The following C15orf40 variants were observed in gnomAD, a reference collection of about 807,000 sequenced individuals.
C15orf40 encodes the protein chromosome 15 open reading frame 40.
In C15orf40, 9 loss-of-function variants were observed where a neutral mutation model predicts 13.9. The ratio of observed to expected loss-of-function variants is 0.65; its 90% CI spans 0.39 to 1.13. C15orf40 has a LOEUF of 1.13. C15orf40 is among the 50% of genes most tolerant of loss of function. The probability of loss-of-function intolerance (pLI) is 0.01; values close to 1 mark genes in which losing one functional copy is unlikely to be tolerated. For synonymous variants in C15orf40, 95 were observed against 69.2 expected, an observed-to-expected ratio of 1.37 and a Z score of -1.85; for missense variants, 225 against 188.5, an observed-to-expected ratio of 1.19 and a Z score of -1.13.
In C15orf40 at chr15:83,005,140, T is replaced by C. The variant is rs2031606009; in HGVS notation, c.*457A>G. 6 of 1,070,220 alleles carry C rather than the reference T, an allele frequency of 5.6e-6. No individual in the cohort carries two copies. In the South Asian group the frequency reaches 1.4e-4, roughly 26 times the overall value. 66.3% of individuals were successfully genotyped at this position (1,070,220 alleles called of 1,614,324 possible). On this transcript the variant is annotated 3_prime_UTR_variant, in exon 4 of 4. Coordinates refer to ENST00000304177, the MANE Select transcript of C15orf40 (RefSeq NM_144597.3). ...AGAACCTGATGCAATGTATAGCACT[T>C]TTTAAATTTCTACTTTTTGGAGTCT... is the stretch of plus-strand genomic sequence containing the variant.
chr15:83,007,201 A>G (rs1463424685), intron 3 of C15orf40, among the ~76,000 whole-genome samples: 2 of 152,184 alleles, frequency 1.3e-5, no homozygotes, highest in Non-Finnish European at 2.9e-5. Flanking sequence ...CATCATATGA[A>G]CCTTCTATCT....
At chr15:83,008,272 G>A (rs1006200816) in intron 3 of C15orf40, 45 of 361,388 alleles carry the variant, frequency 1.2e-4, no homozygotes, top group African/African-American at 6.7e-4. Context: ...TAATCCCAGC[G>A]CTTCGGGAGG....
In C15orf40 at chr15:82,997,309, G is replaced by A. The variant is rs1384471893; in HGVS notation, c.*8288C>T. On this transcript the variant is annotated 3_prime_UTR_variant, in exon 4 of 4. Transcript: ENST00000304177. The stretch of plus-strand genomic sequence containing the variant: ...AGGGAAGGTCAGCAGATAAACAAGT[G>A]AACAAAGGTCTCTGGTTTTCCTAGG... 1.4e-5 allele frequency: 2 copies of A among 147,084 alleles called. No individual in the cohort carries two copies. The highest frequency in any genetic ancestry group is 3.0e-5 in the Non-Finnish European group (2 of 67,040). The allele number at this position is 147,084 out of a possible 1,614,324, so 9.1% of individuals were successfully genotyped here.
chr15:83,004,694 C>A lies in C15orf40; in HGVS notation c.*903G>T. On this transcript the variant is annotated 3_prime_UTR_variant, in exon 4 of 4. Coordinates refer to ENST00000304177, the MANE Select transcript of C15orf40 (RefSeq NM_144597.3). ...AAGTCATGATTTTTCTTTACTTTTT[C>A]AACAAAATGGTAAATATAGTCTTTA... 1.1e-6 allele frequency: 1 copy of A among 923,828 alleles called. No homozygotes were observed. Among genetic ancestry groups the A allele is most frequent in the South Asian group, 4.8e-5 (1 of 20,854 alleles). 57.2% of individuals were successfully genotyped at this position (923,828 alleles called of 1,614,324 possible).
chr15:82,989,136 G>A, downstream of C15orf40: 1 of 1,613,860 alleles, frequency 6.2e-7, no homozygotes, highest in South Asian at 1.1e-5. Flanking sequence ...TCCTCCAATT[G>A]TTGAGGAATG....
Position 83,010,353 on chromosome 15 carries a change from T to G in C15orf40, c.122A>C (p.Gln41Pro). 1 of 1,614,232 alleles carries G rather than the reference T, an allele frequency of 6.2e-7. No homozygotes were observed. Among genetic ancestry groups the G allele is most frequent in the Non-Finnish European group, 8.5e-7 (1 of 1,180,032 alleles). The change falls in exon 2 of 4, where the codon CAG becomes CCG. Residue 41 changes from glutamine to proline, a missense_variant. Gln to Pro is a moderately conservative substitution (Grantham distance 76, BLOSUM62 -1). Transcript: ENST00000304177. Reference sequence around the variant, plus strand: ...AAGTGGTCTCTCTGGTTCCTTGCTCTGGCTTTTACCCTAAAATGACAACCA... The same window carrying G: ...AAGTGGTCTCTCTGGTTCCTTGCTCGGGCTTTTACCCTAAAATGACAACCA... Reference protein sequence around the residue: ...KAGATTKGKSQSKEPERPLPP... With the variant: ...KAGATTKGKSPSKEPERPLPP...
Position 83,010,149 on chromosome 15 carries a change from A to G in C15orf40, c.238+88T>C, listed in dbSNP as rs974958876. On this transcript the variant is annotated intron_variant, in intron 2 of 3. Transcript: ENST00000304177. ...GCAGATGTGAAAAATCAACTGTCAT[A>G]GAATAAGCTTTCAGCTAACCAAAGC... 7.8e-6 allele frequency: 12 copies of G among 1,530,034 alleles called. No homozygotes were observed. In the African/African-American group the frequency reaches 1.5e-4, roughly 19 times the overall value. 94.8% of individuals were successfully genotyped at this position (1,530,034 alleles called of 1,614,324 possible).
At position 83,011,602 on chromosome 15, in the gene C15orf40, C is replaced by T. The variant is rs567289705; in HGVS notation, c.6G>A (p.Leu2=). ...GGTGCCTCAGCCCGCTGCGGAGCCG[C>T]AGCATCCCCGCCTGGGAAGGCGCCG... is the stretch of plus-strand genomic sequence containing the variant. M[L]RLRSGLRHLR... The change falls in exon 1 of 4, where the codon CTG becomes CTA. Residue 2 remains leucine, a synonymous_variant. Transcript: ENST00000304177. The T allele has an allele frequency of 8.2e-6, 13 of 1,582,800 alleles. No homozygotes were observed. In the African/African-American group the frequency reaches 1.4e-4, roughly 17 times the overall value.
chr15:82,991,933 T>C (rs1434242021), downstream of C15orf40: 8 of 1,288,502 alleles, frequency 6.2e-6, no homozygotes, highest in Non-Finnish European at 7.1e-6. Flanking sequence ...AAATATCACC[T>C]GGTTGGGTAT....
At position 83,005,572 on chromosome 15, in the gene C15orf40, C is replaced by T; in HGVS notation, c.*25G>A. ...GTGCTGGGATTACAGGCATGAGCCACTGCGCCCGGCCTCATTTCTTGCTTT... is the reference window on the plus strand; with the variant it reads ...GTGCTGGGATTACAGGCATGAGCCATTGCGCCCGGCCTCATTTCTTGCTTT... On this transcript the variant is annotated 3_prime_UTR_variant, in exon 4 of 4. Coordinates refer to ENST00000304177, the MANE Select transcript of C15orf40 (RefSeq NM_144597.3). 6.3e-7 allele frequency: 1 copy of T among 1,586,884 alleles called. No homozygotes were observed. The highest frequency in any genetic ancestry group is 8.6e-7 in the Non-Finnish European group (1 of 1,166,616).
chr15:82,992,839 C>T (rs1349257196), downstream of C15orf40, among the ~76,000 whole-genome samples: 1 of 152,032 alleles, frequency 6.6e-6, no homozygotes, highest in Non-Finnish European at 1.5e-5. Context: ...CATGAATAAT[C>T]TATGTTGTTA....
chr15:82,996,109 A>G lies in C15orf40; in HGVS notation c.*9488T>C, dbSNP rs1323417977. On this transcript the variant is annotated 3_prime_UTR_variant, in exon 4 of 4. Transcript: ENST00000304177. ...CCTCAGGGACACGAGAGCCCTATGT[A>G]TTAATTACCAGTTAGATTTTCTCTG... 1 of 152,196 alleles carries G rather than the reference A, an allele frequency of 6.6e-6. No individual in the cohort carries two copies. Among genetic ancestry groups the G allele is most frequent in the Non-Finnish European group, 1.5e-5 (1 of 68,034 alleles). The allele number at this position is 152,196 out of a possible 1,614,324, so 9.4% of individuals were successfully genotyped here.
downstream of C15orf40, among the ~76,000 whole-genome samples, chr15:82,991,221 T>C (rs1311541127): frequency 6.6e-6 from 1 of 152,130 alleles, no homozygotes; most frequent in Admixed American, 6.5e-5. Flanking sequence ...TTCCTGACTT[T>C]ATTAGAGTGA....
chr15:83,010,013 G>C (rs2031905450), intron 2 of C15orf40, among the ~76,000 whole-genome samples: 1 of 152,166 alleles, frequency 6.6e-6, no homozygotes, highest in Non-Finnish European at 1.5e-5. Context: ...TATTTTTAAA[G>C]AGGAAAATAT....
At position 82,999,113 on chromosome 15, in the gene C15orf40, C is replaced by G. The variant is rs1461167966; in HGVS notation, c.*6484G>C. On this transcript the variant is annotated 3_prime_UTR_variant, in exon 4 of 4. Transcript: ENST00000304177. ...GCAGTGAGCCGAGATGGCAGCAGTACAGTCCAGCTTTGGCTTGGCATCAGA... is the reference window on the plus strand; with the variant it reads ...GCAGTGAGCCGAGATGGCAGCAGTAGAGTCCAGCTTTGGCTTGGCATCAGA... 1 of 95,106 alleles carries G rather than the reference C, an allele frequency of 1.1e-5. No individual in the cohort carries two copies. The highest frequency in any genetic ancestry group is 2.5e-4 in the South Asian group (1 of 4,042). The allele number at this position is 95,106 out of a possible 1,614,324, so 5.9% of individuals were successfully genotyped here. A position where few individuals can be genotyped will look rare whatever the true frequency, so the allele number is the denominator to read the frequency against.
intron 3 of C15orf40, chr15:83,008,151 C>T (rs1424527609): frequency 5.1e-6 from 1 of 196,432 alleles, no homozygotes; most frequent in Non-Finnish European, 1.0e-5. Context: ...AAGATTGCAC[C>T]ACTGCACTCC....
At position 83,004,821 on chromosome 15, in the gene C15orf40, G is replaced by T; in HGVS notation, c.*776C>A. ...ACAGGTTTTCTGTCACTTGTAAACTGGATTAGAAGGCAATCCCCAGAATTC... is the reference window on the plus strand; with the variant it reads ...ACAGGTTTTCTGTCACTTGTAAACTTGATTAGAAGGCAATCCCCAGAATTC... On this transcript the variant is annotated 3_prime_UTR_variant, in exon 4 of 4. Transcript: ENST00000304177. The T allele has an allele frequency of 1.6e-6, 2 of 1,274,398 alleles. No individual in the cohort carries two copies. The highest frequency in any genetic ancestry group is 2.1e-6 in the Non-Finnish European group (2 of 970,264). 78.9% of individuals were successfully genotyped at this position (1,274,398 alleles called of 1,614,324 possible).
In C15orf40 at chr15:83,001,843, G is replaced by C. The variant is rs2031432468; in HGVS notation, c.*3754C>G. 6.6e-6 allele frequency: 1 copy of C among 152,316 alleles called. No homozygotes were observed. Among genetic ancestry groups the C allele is most frequent in the African/African-American group, 2.4e-5 (1 of 41,416 alleles). The allele number at this position is 152,316 out of a possible 1,614,324, so 9.4% of individuals were successfully genotyped here. On this transcript the variant is annotated 3_prime_UTR_variant, in exon 4 of 4. Coordinates refer to ENST00000304177, the MANE Select transcript of C15orf40 (RefSeq NM_144597.3). Reference sequence around the variant, plus strand: ...GTGGGGAAAAGGGAATCGTGTTCTGGGAATACAGCCCCTGGGCCAGTTCCT... The same window carrying C: ...GTGGGGAAAAGGGAATCGTGTTCTGCGAATACAGCCCCTGGGCCAGTTCCT...
At chr15:82,989,749 C>T, downstream of C15orf40, 1 of 1,159,006 alleles carries the variant, frequency 8.6e-7, no homozygotes, top group Non-Finnish European at 1.2e-6. Flanking sequence ...CTATAACATT[C>T]TATTGTGAAA....
Sources: gnomAD v4.1 joint callset for allele counts (sites outside exome capture counted in the v4.1 genomes callset) on GRCh38, gnomAD v4.1.1 for gene constraint, MANE v1.5 for transcripts, NCBI Gene and HGNC (gene_info 2026-07-23, HGNC 2026-07-21) for gene names.